The following KDM4C variants were observed in gnomAD, a reference collection of about 807,000 sequenced individuals.
KDM4C encodes lysine-specific demethylase 4C.
Under a neutral mutation model 129.3 loss-of-function variants are expected in KDM4C, and 81 were observed. The ratio of observed to expected loss-of-function variants is 0.63; its 90% CI spans 0.52 to 0.75. The LOEUF is 0.75. Ranked by LOEUF, KDM4C falls within the 30% of genes least tolerant of loss-of-function variation. The probability of loss-of-function intolerance (pLI) is 0.00; values close to 1 mark genes in which losing one functional copy is unlikely to be tolerated. For missense variants in KDM4C, 1,457 were observed against 1,304.0 expected, an observed-to-expected ratio of 1.12 and a Z score of -1.81; for synonymous variants, 573 against 456.1, an observed-to-expected ratio of 1.26 and a Z score of -3.26.
intron 8 of KDM4C, among the ~76,000 whole-genome samples, chr9:6,901,971 A>G (rs1249509849): frequency 6.6e-6 from 1 of 152,176 alleles, no homozygotes; most frequent in Non-Finnish European, 1.5e-5. Flanking sequence ...ATATCTGAGG[A>G]TAAGGGACAA....
At chr9:7,019,986 T>C (rs1357759875) in intron 15 of KDM4C, among the ~76,000 whole-genome samples, 3 of 151,898 alleles carry the variant, frequency 2.0e-5, no homozygotes, top group African/African-American at 4.8e-5. Context: ...CGCTCTAGAC[T>C]CAAATTAGGA....
intron 5 of KDM4C, among the ~76,000 whole-genome samples, chr9:6,867,702 TACTG>T (rs1297034625): frequency 1.3e-5 from 2 of 152,224 alleles, no homozygotes; most frequent in Non-Finnish European, 2.9e-5. Context: ...CTTCATTACT[TACTG>T]AGCACACACC....
chr9:6,985,994 C>T (rs1226599099), intron 10 of KDM4C, among the ~76,000 whole-genome samples: 1 of 152,218 alleles, frequency 6.6e-6, no homozygotes, highest in Non-Finnish European at 1.5e-5. Flanking sequence ...CCCGGCTCCT[C>T]ATCATGCTTT....
chr9:7,003,539 T>C (rs1164305606), intron 12 of KDM4C, among the ~76,000 whole-genome samples: 2 of 152,310 alleles, frequency 1.3e-5, no homozygotes, highest in Admixed American at 6.5e-5. Flanking sequence ...GAAATACTTT[T>C]GTATCAGTGT....
chr9:7,114,183 C>T (rs1838644124), intron 18 of KDM4C, among the ~76,000 whole-genome samples: 1 of 152,024 alleles, frequency 6.6e-6, no homozygotes, highest in Non-Finnish European at 1.5e-5. Context: ...ATCCTTTAGG[C>T]CTGGTTCATG....
At chr9:6,953,579 G>A (rs75950985) in intron 8 of KDM4C, among the ~76,000 whole-genome samples, 5,917 of 152,208 alleles carry the variant, frequency 0.039, 179 homozygotes, top group African/African-American at 0.082. Context: ...AAAATAATGT[G>A]TATTTAAGGG....
chr9:6,845,436 A>T (rs764031128), intron 4 of KDM4C, among the ~76,000 whole-genome samples: 1 of 152,088 alleles, frequency 6.6e-6, no homozygotes, highest in Non-Finnish European at 1.5e-5. Context: ...GGTGATCTTG[A>T]ACTCCTGGCC....
At chr9:7,027,495 T>C (rs959476565) in intron 15 of KDM4C, among the ~76,000 whole-genome samples, 1 of 152,194 alleles carries the variant, frequency 6.6e-6, no homozygotes, top group African/African-American at 2.4e-5. Flanking sequence ...CAGAAGACTC[T>C]CTGTTGTTAC....
At chr9:7,052,884 A>C (rs911288699) in intron 17 of KDM4C, among the ~76,000 whole-genome samples, 17 of 12,976 alleles carry the variant, frequency 1.3e-3, no homozygotes, top group African/African-American at 7.3e-3. Context: ...AGAGAGAGAG[A>C]GAGAGAGAGA....
intron 2 of KDM4C, among the ~76,000 whole-genome samples, chr9:6,795,306 A>G (rs1339139583): frequency 6.6e-6 from 1 of 152,046 alleles, no homozygotes; most frequent in Non-Finnish European, 1.5e-5. Flanking sequence ...GAGGCCTGTA[A>G]TTAGGTTGTA....
At chr9:6,756,480 G>T (rs1818289782), upstream of KDM4C, among the ~76,000 whole-genome samples, 2 of 152,340 alleles carry the variant, frequency 1.3e-5, no homozygotes, top group African/African-American at 4.8e-5. Flanking sequence ...ACTTTGGGAG[G>T]CCGAGGCGGG....
At chr9:7,052,898 A>AGAGAGAGAGAGAGAGAGAGACAGC (rs1477487723) in intron 17 of KDM4C, among the ~76,000 whole-genome samples, 1 of 47,532 alleles carries the variant, frequency 2.1e-5, no homozygotes, top group African/African-American at 4.6e-5. Flanking sequence ...AGAGAGAGAG[A>AGAGAGAGAGAGAGAGAGAGACAGC]GAGCGAGCGA....
rs557967341 is a variant in KDM4C at position 6,826,420 on chromosome 9, A to ATG, written c.435+11676_435+11677insGT. 3.6e-3 allele frequency among the ~76,000 whole-genome samples: 555 copies of ATG among 152,240 alleles called. 3 individuals are homozygous for ATG. Among genetic ancestry groups the ATG allele is most frequent in the African/African-American group, 0.013 (534 of 41,542 alleles). ...AACAGCTGTCAAAACTGTTTTGTAT[A>ATG]TTTCCTTCCATTTTTTCTCTATGAA... On this transcript the variant is annotated intron_variant, in intron 4 of 21. Transcript: ENST00000381309.
chr9:7,165,554 A>G (rs932649542), intron 20 of KDM4C, among the ~76,000 whole-genome samples, 197 bp downstream of exon 20: 2 of 152,230 alleles, frequency 1.3e-5, no homozygotes, highest in Non-Finnish European at 2.9e-5. Flanking sequence ...ACACTGGGAA[A>G]CTCTTAACAG....
intron 4 of KDM4C, among the ~76,000 whole-genome samples, chr9:6,829,522 T>A (rs1263913580): frequency 6.6e-6 from 1 of 152,258 alleles, no homozygotes; most frequent in South Asian, 2.1e-4. Context: ...ACTTTGGAGA[T>A]CATCTGGTAT....
chr9:6,958,402 T>C (rs1829449771), intron 8 of KDM4C, among the ~76,000 whole-genome samples: 1 of 151,972 alleles, frequency 6.6e-6, no homozygotes, highest in Admixed American at 6.6e-5. Context: ...CTGACCAACA[T>C]GGTGAAACCC....
At chr9:6,937,993 T>G (rs1245707988) in intron 8 of KDM4C, among the ~76,000 whole-genome samples, 1 of 152,190 alleles carries the variant, frequency 6.6e-6, no homozygotes. Flanking sequence ...ATTACAGACA[T>G]GAGCCACCGT....
chr9:7,103,580 G>GT (rs376435173), intron 17 of KDM4C, 105 bp from the exon 18 acceptor site: 77,016 of 610,798 alleles, frequency 0.13, 17 homozygotes, highest in South Asian at 0.2. Context: ...GTAATCAGTT[G>GT]TTTTTTTTTT....
At chr9:6,802,460 T>C (rs1205580437) in intron 2 of KDM4C, among the ~76,000 whole-genome samples, 12 of 152,208 alleles carry the variant, frequency 7.9e-5, no homozygotes, top group Non-Finnish European at 1.3e-4. Context: ...CTAGAATATC[T>C]GTACAAAAAT....
Sources: gnomAD v4.1 joint callset for allele counts (sites outside exome capture counted in the v4.1 genomes callset) on GRCh38, gnomAD v4.1.1 for gene constraint, MANE v1.5 for transcripts, NCBI Gene and HGNC (gene_info 2026-07-23, HGNC 2026-07-21) for gene names.